Variants in HGD observed in about 807,000 individuals in gnomAD.
HGD encodes the protein homogentisate 1,2-dioxygenase.
A neutral mutation model predicts 60.8 loss-of-function variants in HGD; 61 were observed. The ratio of observed to expected loss-of-function variants is 1.00; its 90% CI spans 0.82 to 1.24. The LOEUF (loss-of-function observed/expected upper bound fraction) is 1.24, where lower values mean the gene tolerates loss of function less well. Among genes scored for constraint, HGD ranks in the 50% most tolerant of loss-of-function variants. The pLI is 0.00. For missense variants in HGD, 542 were observed against 547.1 expected (o/e 0.99, Z 0.09); for synonymous variants, 212 against 187.7 (o/e 1.13, Z -1.06).
chr3:120,680,072 T>C (rs762244935), intron 1 of HGD, among the ~76,000 whole-genome samples: 13 of 152,206 alleles, frequency 8.5e-5, no homozygotes, highest in Non-Finnish European at 1.5e-4. Flanking sequence ...GCCCAGAGCC[T>C]GAATATTAAG....
chr3:120,660,852 T>TA (rs2107533462), intron 4 of HGD, among the ~76,000 whole-genome samples: 1 of 152,264 alleles, frequency 6.6e-6, no homozygotes, highest in African/African-American at 2.4e-5. Context: ...AGGCTACAAA[T>TA]GAAGATGAGC....
chr3:120,664,297 G>A (rs1255569023), intron 4 of HGD, among the ~76,000 whole-genome samples: 2 of 152,102 alleles, frequency 1.3e-5, no homozygotes, highest in South Asian at 2.1e-4. Flanking sequence ...CTGGAAAAAG[G>A]GGATTTTAAA....
rs777733451 is a variant in HGD at position 120,644,308 on chromosome 3, TTTTAC to T, written c.774+6_774+10del. On this transcript the variant is annotated splice_donor_region_variant and intron_variant, in intron 10 of 13. Transcript: ENST00000283871. ...CATTTCCTCCCTTGCCTGCCAACCCTTTTACTTTACCTGTTTGGCAGCAAACAGCT... is the reference window on the plus strand; with the variant it reads ...CATTTCCTCCCTTGCCTGCCAACCCTTTTACCTGTTTGGCAGCAAACAGCT... 4.2e-4 allele frequency: 674 copies of T among 1,613,590 alleles called. 1 individual carries two copies. The highest frequency in any genetic ancestry group is 6.6e-4 in the Middle Eastern group (4 of 6,078).
chr3:120,632,575 T>C (rs1422636989), intron 13 of HGD, among the ~76,000 whole-genome samples: 1 of 152,126 alleles, frequency 6.6e-6, no homozygotes, highest in Admixed American at 6.6e-5. Flanking sequence ...GCCCTGACTA[T>C]AGTGAGGCAA....
rs964977117 is a variant in HGD, at chr3:120,633,294, T to G, written c.1041A>C (p.Arg347=). ...CACCTTGCTTTGCCTCATAGTGACCTCGGATGAGTCCCATGAACTCACTCA... is the reference window on the plus strand; with the variant it reads ...CACCTTGCTTTGCCTCATAGTGACCGCGGATGAGTCCCATGAACTCACTCA... ...NCMSEFMGLI[R]GHYEAKQGGF... The change falls in exon 13 of 14, where the codon CGA becomes CGC. Residue 347 remains arginine (R), a synonymous_variant. Coordinates refer to ENST00000283871, the MANE Select transcript of HGD (RefSeq NM_000187.4). 14 of 1,614,122 alleles carry G rather than the reference T, an allele frequency of 8.7e-6. No homozygotes were observed. The highest frequency in any genetic ancestry group is 1.2e-5 in the Non-Finnish European group (14 of 1,180,002).
intron 4 of HGD, among the ~76,000 whole-genome samples, chr3:120,662,657 T>G (rs1225590433): frequency 6.6e-6 from 1 of 152,216 alleles, no homozygotes; most frequent in Non-Finnish European, 1.5e-5. Flanking sequence ...AAGGAGTTCC[T>G]CCTGTTAGTT....
intron 1 of HGD, among the ~76,000 whole-genome samples, chr3:120,678,420 A>C (rs1356858495): frequency 1.3e-5 from 2 of 152,180 alleles, no homozygotes; most frequent in Non-Finnish European, 2.9e-5. Flanking sequence ...GAGAGGAAGG[A>C]AGGCTGGAGT....
Position 120,633,257 on chromosome 3 carries a change from C to G in HGD, c.1078G>C (p.Gly360Arg), listed in dbSNP as rs368717991. 1.5e-5 allele frequency: 25 copies of G among 1,614,020 alleles called. No individual in the cohort carries two copies. Among genetic ancestry groups the G allele is most frequent in the Non-Finnish European group, 2.0e-5 (24 of 1,180,032 alleles). Reference sequence around the variant, plus strand: ...ATTGTGCTGTGTAGACTCCCTCCCCCTGGCAGGAACCCACCTTGCTTTGCC... The same window carrying G: ...ATTGTGCTGTGTAGACTCCCTCCCCGTGGCAGGAACCCACCTTGCTTTGCC... ...YEAKQGGFLPGGGSLHSTMTP... is the reference protein window; with the variant it reads ...YEAKQGGFLPRGGSLHSTMTP... Residue 360 changes from glycine (G) to arginine (R), a missense_variant, in exon 13 of 14, where the codon GGG (glycine) becomes CGG (arginine). Around this residue, in one of 2 missense-constraint regions of HGD, gnomAD observed 537 missense variants for 529.1 expected, o/e 1.01. Transcript: ENST00000283871.
At chr3:120,654,214 A>C (rs1011558346) in intron 4 of HGD, among the ~76,000 whole-genome samples, 1 of 152,182 alleles carries the variant, frequency 6.6e-6, no homozygotes, top group Non-Finnish European at 1.5e-5. Context: ...AGAAAGAGTC[A>C]TCTTTCTGGA....
intron 4 of HGD, among the ~76,000 whole-genome samples, chr3:120,663,560 T>C (rs1352674807): frequency 6.6e-6 from 1 of 152,140 alleles, no homozygotes; most frequent in African/African-American, 2.4e-5. Flanking sequence ...AGTCAAACTA[T>C]ATCAAGATTC....
chr3:120,659,954 T>G (rs1941612578), intron 4 of HGD, among the ~76,000 whole-genome samples: 3 of 145,706 alleles, frequency 2.1e-5, no homozygotes, highest in Non-Finnish European at 4.6e-5. Context: ...GGGGGGTGGT[T>G]GCATAATGGG....
At chr3:120,638,430 G>T (rs1307097428) in intron 12 of HGD, 25 bp downstream of exon 12, 2 of 1,613,502 alleles carry the variant, frequency 1.2e-6, no homozygotes, top group Non-Finnish European at 1.7e-6. Context: ...GCTTGCAAAT[G>T]TGGCTTGGTA....
chr3:120,640,229 C>A (rs1385113635), intron 11 of HGD, among the ~76,000 whole-genome samples: 1 of 27,432 alleles, frequency 3.6e-5, no homozygotes, highest in Admixed American at 5.0e-4. Flanking sequence ...AAGGACGTGG[C>A]GGGGATGGGG....
chr3:120,636,683 G>C (rs897214369), intron 12 of HGD, among the ~76,000 whole-genome samples: 2 of 152,168 alleles, frequency 1.3e-5, no homozygotes, highest in African/African-American at 4.8e-5. Context: ...CTTTGCCATG[G>C]TAACTGATTG....
chr3:120,670,966 G>A (rs1371950372), intron 3 of HGD, among the ~76,000 whole-genome samples: 2 of 151,982 alleles, frequency 1.3e-5, no homozygotes, highest in Admixed American at 1.3e-4. Flanking sequence ...GAATATGGGT[G>A]GTATCTTTGT....
intron 1 of HGD, chr3:120,677,946 A>G (rs1460754734): frequency 6.6e-6 from 1 of 152,218 alleles, no homozygotes; most frequent in Non-Finnish European, 1.5e-5. Context: ...TGGCGTGGAG[A>G]TGTAACAAGC....
chr3:120,665,802 T>C (rs1707886447), intron 4 of HGD, among the ~76,000 whole-genome samples: 1 of 152,182 alleles, frequency 6.6e-6, no homozygotes, highest in South Asian at 2.1e-4. Context: ...CAGAGATGAC[T>C]AATGTGGATA....
chr3:120,647,580 A>T (rs1941204972), intron 7 of HGD, among the ~76,000 whole-genome samples: 2 of 152,194 alleles, frequency 1.3e-5, no homozygotes, highest in Non-Finnish European at 2.9e-5. Flanking sequence ...TTACCGTAAT[A>T]AGTTAATCCC....
At position 120,669,349 on chromosome 3, in the gene HGD, T is replaced by A. The variant is rs527923312; in HGVS notation, c.282+1078A>T. Among the ~76,000 whole-genome samples, 6 of 151,990 alleles carry A rather than the reference T, an allele frequency of 3.9e-5. No individual in the cohort carries two copies. In the East Asian group the frequency reaches 1.2e-3, roughly 29 times the overall value. ...TTTGACCAACCTATAAAATTTCCGC[T>A]CATCCAATTCACCTGAGCAGTTCTA... is the stretch of plus-strand genomic sequence containing the variant. On this transcript the variant is annotated intron_variant, in intron 4 of 13. Transcript: ENST00000283871.
Sources: gnomAD v4.1 joint callset for allele counts (sites outside exome capture counted in the v4.1 genomes callset) on GRCh38, gnomAD v4.1.1 for gene constraint, gnomAD v4.1.1 regional missense constraint, MANE v1.5 for transcripts, NCBI Gene and HGNC (gene_info 2026-07-23, HGNC 2026-07-21) for gene names.